CDH18: variants seen among roughly 807,000 people sequenced by gnomAD.
CDH18 encodes the protein cadherin 18, also known as cadherin-18.
CDH18 carries 31 observed loss-of-function variants against 67.9 expected under a neutral mutation model. That is an observed-to-expected ratio of 0.46 (90% confidence interval 0.34 to 0.62). CDH18 has a LOEUF of 0.62. Ranked by LOEUF, CDH18 falls within the 20% of genes least tolerant of loss-of-function variation. The probability of loss-of-function intolerance (pLI) is 0.01; values close to 1 mark genes in which losing one functional copy is unlikely to be tolerated. For missense variants in CDH18, 890 were observed against 975.5 expected (o/e 0.91, Z 1.17); for synonymous variants, 362 against 347.2 (o/e 1.04, Z -0.48).
chr5:19,513,082 C>G (rs1344298287), intron 10 of CDH18, among the ~76,000 whole-genome samples: 1 of 151,792 alleles, frequency 6.6e-6, no homozygotes, highest in Non-Finnish European at 1.5e-5. Flanking sequence ...ATAAATACAA[C>G]TTTAATCAGT....
intron 2 of CDH18, among the ~76,000 whole-genome samples, chr5:20,046,977 A>G (rs984784689): frequency 3.3e-5 from 5 of 152,174 alleles, no homozygotes; most frequent in African/African-American, 9.6e-5. Flanking sequence ...CACGTTGTGC[A>G]CATGTACCCT....
intron 6 of CDH18, among the ~76,000 whole-genome samples, chr5:19,594,001 C>T (rs114544675): frequency 0.016 from 2,444 of 151,818 alleles, 57 homozygotes; most frequent in African/African-American, 0.055. Context: ...AAGCTTTACC[C>T]CTATTTTTTT....
At chr5:20,324,366 C>A (rs774362084) in intron 1 of CDH18, among the ~76,000 whole-genome samples, 1 of 151,988 alleles carries the variant, frequency 6.6e-6, no homozygotes, top group Non-Finnish European at 1.5e-5. Flanking sequence ...GGTGAAACCC[C>A]GTCTCTATTA....
chr5:20,288,489 T>TGATCATCA (rs1746858629), intron 1 of CDH18, among the ~76,000 whole-genome samples: 2 of 151,676 alleles, frequency 1.3e-5, no homozygotes, highest in African/African-American at 4.8e-5. Flanking sequence ...CTTTTCTTCC[T>TGATCATCA]GATCATCAGA....
chr5:20,215,381 A>G (rs1419403006), intron 2 of CDH18, among the ~76,000 whole-genome samples: 2 of 151,896 alleles, frequency 1.3e-5, no homozygotes, highest in Non-Finnish European at 2.9e-5. Flanking sequence ...GAAATAGGAT[A>G]CATCTCCTGT....
intron 2 of CDH18, among the ~76,000 whole-genome samples, chr5:20,008,217 A>G (rs1193081191): frequency 6.6e-6 from 1 of 152,108 alleles, no homozygotes; most frequent in African/African-American, 2.4e-5. Flanking sequence ...TATGAATGTT[A>G]TTATGTTTGA....
intron 2 of CDH18, among the ~76,000 whole-genome samples, chr5:20,171,355 T>C (rs1736692986): frequency 6.6e-6 from 1 of 152,150 alleles, no homozygotes; most frequent in African/African-American, 2.4e-5. Context: ...TGTTCCTGTT[T>C]ATCTGCAACC....
chr5:20,378,064 G>A (rs1354628246), intron 1 of CDH18, among the ~76,000 whole-genome samples: 2 of 152,200 alleles, frequency 1.3e-5, no homozygotes, highest in African/African-American at 4.8e-5. Flanking sequence ...AACGTGAGGT[G>A]TTTTTGAGAG....
chr5:20,225,230 C>T (rs1741522062), intron 2 of CDH18, among the ~76,000 whole-genome samples: 1 of 152,116 alleles, frequency 6.6e-6, no homozygotes, highest in African/African-American at 2.4e-5. Flanking sequence ...TCATCACCTC[C>T]TGTGACATAT....
chr5:20,449,685 T>TA (rs1434520047), intron 1 of CDH18, among the ~76,000 whole-genome samples: 68 of 152,036 alleles, frequency 4.5e-4, no homozygotes, highest in South Asian at 6.2e-4. Context: ...GACACATTTG[T>TA]AAGTGTACAA....
intron 2 of CDH18, among the ~76,000 whole-genome samples, chr5:20,072,111 A>G (rs775761762): frequency 6.6e-6 from 1 of 152,086 alleles, no homozygotes. Context: ...TTTTGCCTCA[A>G]CAAGTACTAT....
At chr5:20,069,382 T>C (rs1743251203) in intron 2 of CDH18, among the ~76,000 whole-genome samples, 1 of 149,332 alleles carries the variant, frequency 6.7e-6, no homozygotes, top group Non-Finnish European at 1.5e-5. Flanking sequence ...CACTCTCTAC[T>C]GCATTGCCCT....
At chr5:19,655,757 A>G (rs1756273394) in intron 5 of CDH18, among the ~76,000 whole-genome samples, 1 of 152,100 alleles carries the variant, frequency 6.6e-6, no homozygotes, top group African/African-American at 2.4e-5. Context: ...CCCCAGAGCT[A>G]CACTCTGTGA....
chr5:19,815,264 C>A lies in CDH18; in HGVS notation c.228+23495G>T, dbSNP rs190455896. ...GTGCTATAATTAATTTTACATGACA[C>A]CATGTCATCATGTTGTCATTTGTAT... is the stretch of plus-strand genomic sequence containing the variant. On this transcript the variant is annotated intron_variant, in intron 3 of 12. Coordinates refer to ENST00000382275, the MANE Select transcript of CDH18 (RefSeq NM_004934.5). Among the ~76,000 whole-genome samples the A allele has an allele frequency of 3.9e-5, 6 of 152,058 alleles. No individual in the cohort carries two copies. The East Asian group carries it at 1.2e-3, about 29-fold the overall frequency.
At chr5:20,088,101 C>A (rs1191355540) in intron 2 of CDH18, among the ~76,000 whole-genome samples, 2 of 152,066 alleles carry the variant, frequency 1.3e-5, no homozygotes, top group African/African-American at 2.4e-5. Flanking sequence ...AAATAACAAC[C>A]CAGAAATTAG....
intron 2 of CDH18, among the ~76,000 whole-genome samples, chr5:20,081,541 T>C (rs998711678): frequency 1.3e-5 from 2 of 152,140 alleles, no homozygotes; most frequent in African/African-American, 2.4e-5. Context: ...AGACATGGGA[T>C]CTACCTAGGT....
At chr5:20,395,893 G>A (rs1745237805) in intron 1 of CDH18, among the ~76,000 whole-genome samples, 2 of 152,162 alleles carry the variant, frequency 1.3e-5, no homozygotes, top group Non-Finnish European at 1.5e-5. Flanking sequence ...CGCTGAGGAT[G>A]TGGAGGCTCC....
At chr5:20,293,883 A>T (rs1561945820) in intron 1 of CDH18, among the ~76,000 whole-genome samples, 1 of 152,184 alleles carries the variant, frequency 6.6e-6, no homozygotes, top group African/African-American at 2.4e-5. Flanking sequence ...ATAGAGGTGT[A>T]AATAGGATAG....
chr5:19,645,650 G>A (rs1285040512), intron 5 of CDH18, among the ~76,000 whole-genome samples: 1 of 152,094 alleles, frequency 6.6e-6, no homozygotes, highest in East Asian at 1.9e-4. Flanking sequence ...TTCACTTTCT[G>A]TGTCATTTCA....
Sources: allele counts gnomAD v4.1 joint callset (sites outside exome capture counted in the v4.1 genomes callset), GRCh38; gene constraint gnomAD v4.1.1; transcripts MANE v1.5; gene names NCBI Gene and HGNC (gene_info 2026-07-23, HGNC 2026-07-21).